IL6ST: variants seen among roughly 807,000 people sequenced by gnomAD.
IL6ST encodes the protein interleukin-6 receptor subunit beta.
IL6ST carries 24 observed loss-of-function variants against 91.3 expected under a neutral mutation model. That is an observed-to-expected ratio of 0.26 (90% CI 0.19 to 0.37). The LOEUF (loss-of-function observed/expected upper bound fraction) is 0.37, where lower values mean the gene tolerates loss of function less well. Among genes scored for constraint, IL6ST ranks in the 10% least tolerant of loss-of-function variants. The pLI is 1.00. For synonymous variants in IL6ST, 351 were observed against 373.6 expected (o/e 0.94, Z 0.70); for missense variants, 914 against 1,078.5 (o/e 0.85, Z 2.14).
chr5:55,950,065 C>T (rs955228151), intron 14 of IL6ST: 21 of 348,716 alleles, frequency 6.0e-5, no homozygotes, highest in African/African-American at 3.8e-4. Context: ...TGAAAGGGTA[C>T]GCACAATCAA....
intron 8 of IL6ST, 126 bp from the exon 9 acceptor site, chr5:55,957,417 T>C (rs1017421967): frequency 4.9e-5 from 24 of 487,976 alleles, no homozygotes; most frequent in Non-Finnish European, 8.3e-5. Flanking sequence ...TCTACCTCTT[T>C]ATACCAGCAT....
chr5:55,962,359 T>C (rs1752369271), intron 7 of IL6ST, among the ~76,000 whole-genome samples: 1 of 152,202 alleles, frequency 6.6e-6, no homozygotes, highest in Non-Finnish European at 1.5e-5. Flanking sequence ...ATACTGTTTG[T>C]GATAAATGGA....
chr5:55,963,299 G>A, intron 7 of IL6ST, 53 bp downstream of exon 7: 1 of 1,271,978 alleles, frequency 7.9e-7, no homozygotes, highest in Non-Finnish European at 1.1e-6. Flanking sequence ...AACTTTTTAA[G>A]ATTAGAGGGT....
At chr5:55,990,282 A>T (rs1012409423) in intron 1 of IL6ST, among the ~76,000 whole-genome samples, 12 of 145,266 alleles carry the variant, frequency 8.3e-5, no homozygotes, top group South Asian at 4.4e-4. Context: ...CGCAAAGTTT[A>T]AAAAAAAAAG....
chr5:55,955,768 C>T (rs1245451258), intron 10 of IL6ST, among the ~76,000 whole-genome samples: 1 of 152,158 alleles, frequency 6.6e-6, no homozygotes, highest in African/African-American at 2.4e-5. Flanking sequence ...GCCTGTTAAT[C>T]CCAGCACTTT....
At chr5:55,962,151 T>C (rs1000611932) in intron 7 of IL6ST, among the ~76,000 whole-genome samples, 4 of 152,234 alleles carry the variant, frequency 2.6e-5, no homozygotes, top group African/African-American at 9.6e-5. Context: ...TAAGATTCTA[T>C]ACTTAATACC....
At position 55,979,067 on chromosome 5, in the gene IL6ST, T is replaced by C. The variant is rs193060766; in HGVS notation, c.-15-2774A>G. Among the ~76,000 whole-genome samples the C allele has an allele frequency of 4.7e-4, 71 of 152,240 alleles. 1 individual carries two copies. Among genetic ancestry groups the C allele is most frequent in the Middle Eastern group, 3.4e-3 (1 of 294 alleles). ...AAAATAACAACAGATACATGCATCA[T>C]GGATGAATCTCATATATAATACAGA... On this transcript the variant is annotated intron_variant, in intron 2 of 16. Transcript: ENST00000381298.
chr5:55,956,108 C>T lies in IL6ST; in HGVS notation c.1184G>A (p.Arg395His), dbSNP rs772888563. The change falls in exon 10 of 17, where the codon CGC (arginine) becomes CAC (histidine). Residue 395 changes from arginine to histidine, a missense_variant. Coordinates refer to ENST00000381298, the MANE Select transcript of IL6ST (RefSeq NM_002184.4). ...TCTTACTGTTAGGGTTGCTAGATAG[C>T]GATCATTTGTGAGATTTACTGTCAG... ...TKLTVNLTND[R>H]YLATLTVRNL... 7.4e-6 allele frequency: 12 copies of T among 1,612,540 alleles called. No individual in the cohort carries two copies. The Middle Eastern group carries it at 9.9e-4, about 133-fold the overall frequency.
chr5:55,966,125 T>G (rs144756388), intron 5 of IL6ST, among the ~76,000 whole-genome samples: 80 of 152,304 alleles, frequency 5.3e-4, no homozygotes, highest in African/African-American at 1.9e-3. Context: ...CAGAATACCA[T>G]AGTTTTGTAA....
At position 55,938,358 on chromosome 5, in the gene IL6ST, G is replaced by A. The variant is rs1190706122; in HGVS notation, c.*2724C>T. 5.2e-6 allele frequency: 1 copy of A among 191,146 alleles called. No homozygotes were observed. The highest frequency in any genetic ancestry group is 1.1e-5 in the Non-Finnish European group (1 of 91,346). The allele number at this position is 191,146 out of a possible 1,614,324, so 11.8% of individuals were successfully genotyped here. ...AAGATTAAAATTTTAGGTTTTAATG[G>A]TACAAAGTGTGAAGTTTTATAGTTT... On this transcript the variant is annotated 3_prime_UTR_variant, in exon 17 of 17. Coordinates refer to ENST00000381298, the MANE Select transcript of IL6ST (RefSeq NM_002184.4).
At chr5:55,963,960 GT>G (rs1444927992) in intron 6 of IL6ST, among the ~76,000 whole-genome samples, 185 bp downstream of exon 6, 2 of 151,888 alleles carry the variant, frequency 1.3e-5, no homozygotes, top group African/African-American at 4.8e-5. Context: ...ATAAATGCTT[GT>G]TTCTACATTA....
chr5:55,956,247 T>C lies in IL6ST; in HGVS notation c.1057-12A>G, dbSNP rs750582789. The C allele has an allele frequency of 4.2e-6, 6 of 1,443,422 alleles. No individual in the cohort carries two copies. The highest frequency in any genetic ancestry group is 3.6e-5 in the South Asian group (3 of 83,276). The allele number at this position is 1,443,422 out of a possible 1,614,324, so 89.4% of individuals were successfully genotyped here. A position where few individuals can be genotyped will look rare whatever the true frequency, so the allele number is the denominator to read the frequency against. On this transcript the variant is annotated splice_polypyrimidine_tract_variant and intron_variant, in intron 9 of 16. Coordinates refer to ENST00000381298, the MANE Select transcript of IL6ST (RefSeq NM_002184.4). Reference sequence around the variant, plus strand: ...AAAGGAGGCAATGTCTGTAATAAAATAGTTTATTTTTAAAAATAATCTCAT... The same window carrying C: ...AAAGGAGGCAATGTCTGTAATAAAACAGTTTATTTTTAAAAATAATCTCAT...
At chr5:55,955,840 G>A (rs1293643946) in intron 10 of IL6ST, 185 bp downstream of exon 10, 1 of 368,554 alleles carries the variant, frequency 2.7e-6, no homozygotes, top group Non-Finnish European at 4.8e-6. Flanking sequence ...AACCTGGCGA[G>A]ACCCAGTCTC....
chr5:55,974,936 TACACACACACACACACACATAC>T (rs1259840220), intron 3 of IL6ST, among the ~76,000 whole-genome samples: 21 of 147,250 alleles, frequency 1.4e-4, no homozygotes, highest in Non-Finnish European at 3.0e-4. Flanking sequence ...GTATTATTCA[TACACACACACACACACACATAC>T]ACACACACAC....
chr5:55,975,345 C>T (rs1436561316), intron 3 of IL6ST, among the ~76,000 whole-genome samples: 3 of 152,110 alleles, frequency 2.0e-5, no homozygotes, highest in East Asian at 1.9e-4. Context: ...CTCCTGTTCT[C>T]GCTATGTGAG....
At chr5:55,969,054 G>C (rs986916149) in intron 4 of IL6ST, among the ~76,000 whole-genome samples, 3 of 152,082 alleles carry the variant, frequency 2.0e-5, no homozygotes, top group Non-Finnish European at 4.4e-5. Flanking sequence ...AATTAGCCGG[G>C]CGTGGTGGCT....
At chr5:55,955,502 T>C (rs145233659) in intron 10 of IL6ST, among the ~76,000 whole-genome samples, 257 of 152,362 alleles carry the variant, frequency 1.7e-3, no homozygotes, top group African/African-American at 5.8e-3. Flanking sequence ...CGGTTTGTAA[T>C]TGCAATTTTT....
At position 55,965,278 on chromosome 5, in the gene IL6ST, G is replaced by A. The variant is rs190282636; in HGVS notation, c.492-966C>T. Among the ~76,000 whole-genome samples, 141 of 152,182 alleles carry A rather than the reference G, an allele frequency of 9.3e-4. 1 individual carries two copies. Among genetic ancestry groups the A allele is most frequent in the Admixed American group, 5.9e-3 (90 of 15,286 alleles). The stretch of plus-strand genomic sequence containing the variant: ...TTATTCTGCAGCTGCTGTATTAACC[G>A]TAGGATAAAGCAAATGAATAATTAT... On this transcript the variant is annotated intron_variant, in intron 5 of 16. Transcript: ENST00000381298.
At chr5:55,980,232 C>CA (rs34898650) in intron 2 of IL6ST, among the ~76,000 whole-genome samples, 2 of 152,068 alleles carry the variant, frequency 1.3e-5, no homozygotes, top group African/African-American at 2.4e-5. Flanking sequence ...AGTACTTATG[C>CA]AAAAAATAAA....
Sources: gnomAD v4.1 joint callset for allele counts (sites outside exome capture counted in the v4.1 genomes callset) on GRCh38, gnomAD v4.1.1 for gene constraint, MANE v1.5 for transcripts, NCBI Gene and HGNC (gene_info 2026-07-23, HGNC 2026-07-21) for gene names.